The following HTR4 variants were observed in gnomAD, a reference collection of about 807,000 sequenced individuals.
HTR4 encodes 5-hydroxytryptamine receptor 4, also known as 5-hydroxytryptamine (serotonin) receptor 4, G protein-coupled.
In HTR4, 16 loss-of-function variants were observed where a neutral mutation model predicts 36.8. The observed-to-expected ratio is 0.43, with a 90% CI of 0.29 to 0.66. The LOEUF is 0.66. HTR4 is among the 30% of genes least tolerant of loss of function. HTR4 has a pLI of 0.13. For synonymous variants in HTR4, 189 were observed against 185.1 expected, an observed-to-expected ratio of 1.02 and a Z score of -0.17; for missense variants, 438 against 490.9, an observed-to-expected ratio of 0.89 and a Z score of 1.02.
chr5:148,644,433 T>TG (rs1753819050), intron 1 of HTR4, among the ~76,000 whole-genome samples: 2 of 134,174 alleles, frequency 1.5e-5, no homozygotes, highest in African/African-American at 5.6e-5. Flanking sequence ...TTTTTTTTTT[T>TG]TTTTTTTTTT....
At chr5:148,535,140 C>T (rs890219721) in intron 4 of HTR4, among the ~76,000 whole-genome samples, 4 of 152,166 alleles carry the variant, frequency 2.6e-5, no homozygotes, top group African/African-American at 7.2e-5. Context: ...TATATACCCA[C>T]CTCTGAAACC....
intron 3 of HTR4, 88 bp downstream of exon 3, chr5:148,550,049 A>T: frequency 7.4e-7 from 1 of 1,355,414 alleles, no homozygotes; most frequent in Middle Eastern, 1.9e-4. Flanking sequence ...TCTTAATTAC[A>T]AATTCTAATA....
chr5:148,636,672 T>C (rs1046112416), intron 2 of HTR4, among the ~76,000 whole-genome samples: 1 of 152,214 alleles, frequency 6.6e-6, no homozygotes, highest in Non-Finnish European at 1.5e-5. Context: ...ATAGATATTC[T>C]TAAGCTATTT....
chr5:148,603,974 T>C (rs141086232), intron 2 of HTR4, among the ~76,000 whole-genome samples: 1 of 152,244 alleles, frequency 6.6e-6, no homozygotes, highest in East Asian at 1.9e-4. Flanking sequence ...TATCTATATA[T>C]ATATTTAAAA....
At chr5:148,631,433 C>A (rs1472709679) in intron 2 of HTR4, among the ~76,000 whole-genome samples, 2 of 152,182 alleles carry the variant, frequency 1.3e-5, no homozygotes, top group Non-Finnish European at 2.9e-5. Context: ...ACAATTCTGA[C>A]TGCCAGGTTA....
At position 148,610,921 on chromosome 5, in the gene HTR4, G is replaced by C. The variant is rs1024053328; in HGVS notation, c.26+26068C>G. On this transcript the variant is annotated intron_variant, in intron 2 of 6. Transcript: ENST00000377888. ...CCGATGCGATCAACTGGAAGAAAGG[G>C]TATCAGCAATGGAAGATGAAATGAA... Among the ~76,000 whole-genome samples the C allele has an allele frequency of 3.9e-3, 591 of 150,094 alleles. 10 individuals carry two copies. The highest frequency in any genetic ancestry group is 0.014 in the African/African-American group (556 of 40,378).
At chr5:148,458,926 A>G (rs1755195813) in intron 5 of HTR4, among the ~76,000 whole-genome samples, 2 of 152,182 alleles carry the variant, frequency 1.3e-5, no homozygotes, top group Non-Finnish European at 2.9e-5. Context: ...ACCCAGGGGT[A>G]AATTAGGAGG....
intron 5 of HTR4, among the ~76,000 whole-genome samples, chr5:148,460,746 GC>G (rs1294482076): frequency 1.3e-5 from 2 of 152,156 alleles, no homozygotes; most frequent in East Asian, 3.9e-4. Context: ...TAAAATAATA[GC>G]TTTTATTTTT....
intron 4 of HTR4, among the ~76,000 whole-genome samples, chr5:148,539,415 A>G (rs1758997369): frequency 6.6e-6 from 1 of 152,212 alleles, no homozygotes; most frequent in South Asian, 2.1e-4. Flanking sequence ...AAAAGAAACT[A>G]TCAACAGAGC....
chr5:148,633,626 G>A (rs963905827), intron 2 of HTR4, among the ~76,000 whole-genome samples: 9 of 150,072 alleles, frequency 6.0e-5, no homozygotes, highest in East Asian at 2.0e-4. Flanking sequence ...GAGAACATGC[G>A]GTGTTTGGTT....
chr5:148,519,077 G>GAATA (rs1279619279), intron 5 of HTR4, among the ~76,000 whole-genome samples: 3 of 152,020 alleles, frequency 2.0e-5, no homozygotes, highest in Non-Finnish European at 4.4e-5. Flanking sequence ...TTTCTTGAAT[G>GAATA]AATAAATAAA....
rs376913891 is a variant in HTR4, at chr5:148,484,330, G to A, written c.1077-1037C>T. On this transcript the variant is annotated intron_variant, in intron 6 of 6. Transcript: ENST00000377888. ...CCTGAGAATGGACCCGCTCTGGCAGGCTTTGTCCAATACCTTGCTAAAATG... is the reference window on the plus strand; with the variant it reads ...CCTGAGAATGGACCCGCTCTGGCAGACTTTGTCCAATACCTTGCTAAAATG... 3.1e-6 allele frequency: 5 copies of A among 1,613,026 alleles called. No homozygotes were observed. In the African/African-American group the frequency reaches 4.0e-5, roughly 13 times the overall value.
At chr5:148,614,526 T>C (rs1360452426) in intron 2 of HTR4, among the ~76,000 whole-genome samples, 2 of 152,066 alleles carry the variant, frequency 1.3e-5, no homozygotes, top group African/African-American at 2.4e-5. Context: ...ATACAAAAAT[T>C]AATTCAAGGT....
rs997937498 is a variant in HTR4, at chr5:148,548,893, G to C, written c.153-25C>G. The C allele has an allele frequency of 5.8e-6, 9 of 1,544,164 alleles. No individual in the cohort carries two copies. The African/African-American group carries it at 1.2e-4, about 21-fold the overall frequency. ...CCTGTGAGTGAAAAAGTGTAAGAGA[G>C]GAGGCAGGGGGAGGGATGAAGGGAA... On this transcript the variant is annotated intron_variant, in intron 3 of 6. Coordinates refer to ENST00000377888, the MANE Select transcript of HTR4 (RefSeq NM_000870.7).
chr5:148,618,700 T>C (rs1374307517), intron 2 of HTR4, among the ~76,000 whole-genome samples: 4 of 152,224 alleles, frequency 2.6e-5, no homozygotes, highest in Non-Finnish European at 4.4e-5. Context: ...CTGCTTTCCC[T>C]TTCCTATGGG....
intron 5 of HTR4, among the ~76,000 whole-genome samples, chr5:148,522,419 G>A (rs1758066262): frequency 6.6e-6 from 1 of 152,158 alleles, no homozygotes; most frequent in African/African-American, 2.4e-5. Flanking sequence ...CATTGGGCAT[G>A]TTACTTAACC....
At chr5:148,467,068 T>G (rs1755448328) in intron 5 of HTR4, among the ~76,000 whole-genome samples, 2 of 152,210 alleles carry the variant, frequency 1.3e-5, no homozygotes, top group Admixed American at 1.3e-4. Flanking sequence ...CATGTCATGC[T>G]TCTCTGAAAA....
chr5:148,588,477 T>C (rs1761429660), intron 2 of HTR4, among the ~76,000 whole-genome samples: 1 of 151,868 alleles, frequency 6.6e-6, no homozygotes, highest in African/African-American at 2.4e-5. Flanking sequence ...TCCCCAGAAG[T>C]TATCACTACA....
At chr5:148,531,673 G>A (rs1312902440) in intron 4 of HTR4, among the ~76,000 whole-genome samples, 1 of 152,002 alleles carries the variant, frequency 6.6e-6, no homozygotes, top group Admixed American at 6.6e-5. Flanking sequence ...TAAACTTAAG[G>A]GCATCCTAAA....
Sources: gnomAD v4.1 joint callset for allele counts (sites outside exome capture counted in the v4.1 genomes callset) on GRCh38, gnomAD v4.1.1 for gene constraint, MANE v1.5 for transcripts, NCBI Gene and HGNC (gene_info 2026-07-23, HGNC 2026-07-21) for gene names.